The following HDAC4 variants were observed in gnomAD, a reference collection of about 807,000 sequenced individuals.
HDAC4 encodes the protein histone deacetylase A.
Under a neutral mutation model 135.1 loss-of-function variants are expected in HDAC4, and 16 were observed. The ratio of observed to expected loss-of-function variants is 0.12; its 90% CI spans 0.08 to 0.18. The LOEUF is 0.18. HDAC4 is among the 10% of genes least tolerant of loss of function. The pLI, the probability that HDAC4 is intolerant of heterozygous loss-of-function variation, is 1.00. For synonymous variants in HDAC4, 685 were observed against 653.4 expected (o/e 1.05, Z -0.74); for missense variants, 1,143 against 1,511.8 (o/e 0.76, Z 4.05).
intron 2 of HDAC4, among the ~76,000 whole-genome samples, chr2:239,266,001 T>C (rs1279293558): frequency 4.6e-5 from 7 of 152,142 alleles, no homozygotes; most frequent in Non-Finnish European, 8.8e-5. Flanking sequence ...GAGCGTGGCC[T>C]GCCTTGCCCA....
At chr2:239,162,591 T>C (rs2042878449) in intron 6 of HDAC4, among the ~76,000 whole-genome samples, 1 of 152,192 alleles carries the variant, frequency 6.6e-6, no homozygotes, top group South Asian at 2.1e-4. Flanking sequence ...ACCTCCTCTC[T>C]CAGGTCCCAG....
rs976371151 is a variant in HDAC4 at position 239,119,478 on chromosome 2, T to TGCGGGGACCAGAGCTCAGGGCTGAGGGC, written c.1534-4196_1534-4169dup. On this transcript the variant is annotated intron_variant, in intron 12 of 26. Transcript: ENST00000543185. ...GGGGACAGGAGCTCAGGGCTAAGGG[T>TGCGGGGACCAGAGCTCAGGGCTGAGGGC]GCGGGGACCAGAGCTCAGGGCTGAG... is the stretch of plus-strand genomic sequence containing the variant. 3.3e-4 allele frequency among the ~76,000 whole-genome samples: 50 copies of TGCGGGGACCAGAGCTCAGGGCTGAGGGC among 150,336 alleles called. 1 individual carries two copies. In the South Asian group the frequency reaches 0.011, roughly 32 times the overall value.
intron 16 of HDAC4, among the ~76,000 whole-genome samples, chr2:239,100,138 G>C (rs541336118): frequency 6.7e-4 from 102 of 152,344 alleles, no homozygotes; most frequent in African/African-American, 1.9e-3. Context: ...TCTTACCCCT[G>C]GTGGGTCCCT....
At chr2:239,063,425 C>T (rs997845566) in intron 24 of HDAC4, among the ~76,000 whole-genome samples, 7 of 152,030 alleles carry the variant, frequency 4.6e-5, no homozygotes, top group African/African-American at 9.7e-5. Flanking sequence ...AGGATGGTCT[C>T]GATCTCCTGA....
intron 2 of HDAC4, among the ~76,000 whole-genome samples, chr2:239,241,537 CT>C (rs1420446987): frequency 6.6e-6 from 1 of 152,208 alleles, no homozygotes; most frequent in Admixed American, 6.5e-5. Context: ...CATTAATCCT[CT>C]GTCAATTAAA....
intron 3 of HDAC4, among the ~76,000 whole-genome samples, chr2:239,208,011 GGT>G (rs151163921): frequency 0.017 from 2,621 of 152,108 alleles, 59 homozygotes; most frequent in African/African-American, 0.06. Flanking sequence ...CAATACACCT[GGT>G]GTTTTAACAC....
intron 2 of HDAC4, among the ~76,000 whole-genome samples, chr2:239,301,752 G>A (rs1052309248): frequency 6.6e-6 from 1 of 152,156 alleles, no homozygotes; most frequent in African/African-American, 2.4e-5. Context: ...CCAAAGTGCT[G>A]GGATTACAAG....
chr2:239,154,666 C>T (rs922579257), intron 7 of HDAC4: 1 of 152,136 alleles, frequency 6.6e-6, no homozygotes, highest in African/African-American at 2.4e-5. Flanking sequence ...TAGCATCAGT[C>T]CCCAGAAAGG....
At chr2:239,355,139 A>T (rs1008349040) in intron 1 of HDAC4, among the ~76,000 whole-genome samples, 8 of 152,250 alleles carry the variant, frequency 5.3e-5, no homozygotes, top group African/African-American at 1.4e-4. Context: ...CAGAAGATAC[A>T]TAAGTAAGAG....
In HDAC4 at chr2:239,068,531, C is replaced by T; in HGVS notation, c.2827G>A (p.Gly943Ser). 6.2e-7 allele frequency: 1 copy of T among 1,613,962 alleles called. No individual in the cohort carries two copies. The highest frequency in any genetic ancestry group is 8.5e-7 in the Non-Finnish European group (1 of 1,179,966). The change falls in exon 23 of 27, where the codon GGC becomes AGC. Residue 943 changes from glycine (G) to serine (S), a missense_variant. This residue lies in a region of HDAC4 where 189 missense variants were observed against 317.6 expected (regional missense o/e 0.60). Transcript: ENST00000543185. The surrounding 1 kb of genome is among the most constrained non-coding windows in gnomAD (Gnocchi z 4.4). ...LVSSGFDAVE[G>S]HPTPLGGYNL... ...TAGCCCCCAAGAGGGGTGGGGTGGC[C>T]CTCCACGGCATCGAAGCCTGATGAC... is the stretch of plus-strand genomic sequence containing the variant.
At chr2:239,111,496 C>G in intron 14 of HDAC4, 30 bp downstream of exon 14, 2 of 1,597,684 alleles carry the variant, frequency 1.3e-6, no homozygotes, top group South Asian at 2.2e-5. Context: ...CCGCGTTGCA[C>G]CCTCAGGCTG....
rs947735826 is a variant in HDAC4, at chr2:239,400,647, G to A, written c.-220+331C>T. 4 of 146,914 alleles carry A rather than the reference G, an allele frequency of 2.7e-5. No homozygotes were observed. Among genetic ancestry groups the A allele is most frequent in the African/African-American group, 9.8e-5 (4 of 40,778 alleles). The allele number at this position is 146,914 out of a possible 1,614,324, so 9.1% of individuals were successfully genotyped here. A position where few individuals can be genotyped will look rare whatever the true frequency, so the allele number is the denominator to read the frequency against. On this transcript the variant is annotated intron_variant, in intron 1 of 26. Transcript: ENST00000543185. The surrounding 1 kb of genome is among the most constrained non-coding windows in gnomAD (Gnocchi z 4.7). ...GCAGGCTGCGCGGGGCGCGGGGCGG[G>A]CGGCGGACAATGGCCCGCGGGCGCC...
chr2:239,280,250 C>A (rs1399716127), intron 2 of HDAC4, among the ~76,000 whole-genome samples: 2 of 152,118 alleles, frequency 1.3e-5, no homozygotes, highest in Admixed American at 1.3e-4. Context: ...AGAGTGGGGG[C>A]AAAGCTGATG....
intron 12 of HDAC4, among the ~76,000 whole-genome samples, chr2:239,116,938 G>C (rs145856600): frequency 1.3e-5 from 2 of 152,122 alleles, no homozygotes; most frequent in Non-Finnish European, 2.9e-5. Flanking sequence ...AGCACCCCCC[G>C]ACCCCAGTCC....
Position 239,115,097 on chromosome 2 carries a change from G to C in HDAC4, c.1747C>G (p.Pro583Ala). 1 of 1,611,554 alleles carries C rather than the reference G, an allele frequency of 6.2e-7. No individual in the cohort carries two copies. Among genetic ancestry groups the C allele is most frequent in the Middle Eastern group, 1.6e-4 (1 of 6,062 alleles). Reference protein sequence around the residue: ...EEAEPPREVEPGQRQPSEQEL... With the variant: ...EEAEPPREVEAGQRQPSEQEL... ...TGCTCACTGGGCTGGCGCTGGCCCG[G>C]CTCCACCTCCCGTGGGGGCTCTGCC... The change falls in exon 13 of 27, where the codon CCG becomes GCG. Residue 583 changes from proline to alanine, a missense_variant. This residue lies in a region of HDAC4 where 196 missense variants were observed against 210.7 expected (regional missense o/e 0.93). Transcript: ENST00000543185. This position sits in a 1 kb window ranked among gnomAD's most constrained non-coding sequence, Gnocchi z 6.3.
At chr2:239,372,645 CA>C (rs1694711835) in intron 1 of HDAC4, among the ~76,000 whole-genome samples, 1 of 152,256 alleles carries the variant, frequency 6.6e-6, no homozygotes, top group African/African-American at 2.4e-5. Context: ...GCAACACGCA[CA>C]AGCAAGCAGT....
intron 16 of HDAC4, among the ~76,000 whole-genome samples, chr2:239,098,219 C>T (rs1253765926): frequency 3.3e-5 from 5 of 152,240 alleles, no homozygotes; most frequent in African/African-American, 9.7e-5. Flanking sequence ...AGGAGCCCAG[C>T]GGCCTCCTGT....
intron 6 of HDAC4, among the ~76,000 whole-genome samples, chr2:239,161,478 G>A (rs1237702161): frequency 6.6e-6 from 1 of 152,094 alleles, no homozygotes; most frequent in East Asian, 1.9e-4. Flanking sequence ...TGTGAAGCTG[G>A]GATCAGGGTT....
At chr2:239,274,554 TCAA>T (rs1041848329) in intron 2 of HDAC4, among the ~76,000 whole-genome samples, 8 of 152,188 alleles carry the variant, frequency 5.3e-5, no homozygotes, top group Non-Finnish European at 7.3e-5. Context: ...AACAGCTAAT[TCAA>T]CAACAATACA....
Sources: gnomAD v4.1 joint callset for allele counts (sites outside exome capture counted in the v4.1 genomes callset) on GRCh38, gnomAD v4.1.1 for gene constraint, gnomAD v4.1.1 regional missense constraint, Gnocchi (gnomAD v3.1) non-coding constraint, MANE v1.5 for transcripts, NCBI Gene and HGNC (gene_info 2026-07-23, HGNC 2026-07-21) for gene names.